The following CSTPP1 variants were observed in gnomAD, a reference collection of about 807,000 sequenced individuals.
CSTPP1 encodes the protein UPF0705 protein C11orf49.
chr11:47,073,595 A>G, the CSTPP1 span, among the ~76,000 whole-genome samples: 1 of 152,154 alleles, frequency 6.6e-6, no homozygotes, highest in African/African-American at 2.4e-5. Context: ...TGAAAGATGG[A>G]CAAAAATTGA....
the CSTPP1 span, among the ~76,000 whole-genome samples, chr11:47,016,394 AAACAAAAAACAAAAAAC>A: frequency 2.1e-3 from 314 of 146,430 alleles, 2 homozygotes; most frequent in African/African-American, 7.4e-3. Context: ...AATCTACAAA[AAACAAAAAACAAAAAAC>A]AAAAAAAAAA....
chr11:47,097,283 T>C, the CSTPP1 span, among the ~76,000 whole-genome samples: 2 of 93,086 alleles, frequency 2.1e-5, no homozygotes, highest in African/African-American at 4.1e-5. Context: ...GGTGGGGGGG[T>C]CAGCCCCCCG....
At chr11:47,055,418 G>T in the CSTPP1 span, among the ~76,000 whole-genome samples, 1 of 127,450 alleles carries the variant, frequency 7.8e-6, no homozygotes. Flanking sequence ...TGAATAGGTA[G>T]TCTCCCTGCT....
At chr11:46,958,971 A>G in the CSTPP1 span, among the ~76,000 whole-genome samples, 2 of 152,174 alleles carry the variant, frequency 1.3e-5, no homozygotes, top group African/African-American at 4.8e-5. Flanking sequence ...TTCAAATGCT[A>G]GTCTCTGCCA....
At chr11:47,003,636 A>G in the CSTPP1 span, among the ~76,000 whole-genome samples, 4 of 152,184 alleles carry the variant, frequency 2.6e-5, no homozygotes, top group East Asian at 1.9e-4. Flanking sequence ...TTCTTCAACT[A>G]TCAGATGCAA....
chr11:47,126,827 G>A, the CSTPP1 span, among the ~76,000 whole-genome samples: 1 of 151,158 alleles, frequency 6.6e-6, no homozygotes, highest in Non-Finnish European at 1.5e-5. Context: ...AGCTATTTGG[G>A]GAGCTGAGGT....
At chr11:47,059,368 A>G in the CSTPP1 span, among the ~76,000 whole-genome samples, 4 of 152,150 alleles carry the variant, frequency 2.6e-5, no homozygotes, top group Non-Finnish European at 5.9e-5. Context: ...CTCTCTGCCA[A>G]AAAAAACCTG....
the CSTPP1 span, among the ~76,000 whole-genome samples, chr11:47,094,168 G>C: frequency 0.24 from 36,691 of 152,008 alleles, 5,170 homozygotes; most frequent in East Asian, 0.65. Flanking sequence ...TGGATTTTCT[G>C]TCATTAGAGA....
chr11:47,147,292 A>G, the CSTPP1 span, among the ~76,000 whole-genome samples: 36 of 152,318 alleles, frequency 2.4e-4, no homozygotes, highest in East Asian at 6.7e-3. Context: ...AGCAAAAAGC[A>G]TTTCAGGGAA....
the CSTPP1 span, among the ~76,000 whole-genome samples, chr11:47,121,453 T>C: frequency 1.3e-5 from 2 of 152,182 alleles, no homozygotes; most frequent in African/African-American, 4.8e-5. Context: ...TATTACTGTG[T>C]AAGGTACAGA....
chr11:47,033,039 C>T, the CSTPP1 span, among the ~76,000 whole-genome samples: 3 of 152,082 alleles, frequency 2.0e-5, no homozygotes, highest in Non-Finnish European at 4.4e-5. Context: ...ATTTACTATT[C>T]ATTAAGTTAA....
the CSTPP1 span, among the ~76,000 whole-genome samples, chr11:47,067,060 T>A: frequency 6.6e-6 from 1 of 152,226 alleles, no homozygotes. Flanking sequence ...GGTTGAGGAC[T>A]TTTATTTGGT....
the CSTPP1 span, among the ~76,000 whole-genome samples, chr11:46,955,989 C>A: frequency 6.2e-5 from 6 of 96,770 alleles, no homozygotes; most frequent in African/African-American, 2.5e-4. Context: ...TCCATCCACC[C>A]CCCCCCCCCC....
the CSTPP1 span, among the ~76,000 whole-genome samples, chr11:47,118,411 GGAGA>G: frequency 6.6e-6 from 1 of 152,154 alleles, no homozygotes; most frequent in Non-Finnish European, 1.5e-5. Context: ...TCTTTAGCTC[GGAGA>G]AGTTTGTTAT....
At chr11:47,092,493 C>T in the CSTPP1 span, among the ~76,000 whole-genome samples, 1 of 152,144 alleles carries the variant, frequency 6.6e-6, no homozygotes, top group Non-Finnish European at 1.5e-5. Flanking sequence ...CACTTGTCTG[C>T]CCTTCACCAA....
the CSTPP1 span, among the ~76,000 whole-genome samples, chr11:47,095,943 T>TA: frequency 6.6e-6 from 1 of 152,104 alleles, no homozygotes; most frequent in Non-Finnish European, 1.5e-5. Flanking sequence ...TTGGTTAAGC[T>TA]AAAAAACTAC....
At chr11:46,974,351 A>G in the CSTPP1 span, among the ~76,000 whole-genome samples, 1 of 151,854 alleles carries the variant, frequency 6.6e-6, no homozygotes, top group Non-Finnish European at 1.5e-5. Flanking sequence ...AAGATGGTGC[A>G]ACCCCGTCTC....
At chr11:47,025,940 C>G in the CSTPP1 span, among the ~76,000 whole-genome samples, 2 of 152,084 alleles carry the variant, frequency 1.3e-5, no homozygotes, top group Non-Finnish European at 2.9e-5. Flanking sequence ...GGTATGTGAT[C>G]TGGCAGTAAA....
chr11:47,148,191 C>T, the CSTPP1 span, among the ~76,000 whole-genome samples: 83 of 152,162 alleles, frequency 5.5e-4, no homozygotes, highest in African/African-American at 1.7e-3. Context: ...AACCAGACAT[C>T]GTGTCATCGC....
Sources: gnomAD v4.1 joint callset for allele counts (sites outside exome capture counted in the v4.1 genomes callset) on GRCh38, gnomAD v4.1.1 for gene constraint, MANE v1.5 for transcripts, NCBI Gene and HGNC (gene_info 2026-07-23, HGNC 2026-07-21) for gene names.